Variants in PTBP2 observed in about 807,000 individuals in gnomAD.
PTBP2 encodes the protein polypyrimidine tract-binding protein 2.
A neutral mutation model predicts 61.4 loss-of-function variants in PTBP2; 13 were observed. That is an observed-to-expected ratio of 0.21 (90% confidence interval 0.14 to 0.34). The LOEUF is 0.34. PTBP2 is among the 10% of genes least tolerant of loss of function. The probability of loss-of-function intolerance (pLI) is 1.00; values close to 1 mark genes in which losing one functional copy is unlikely to be tolerated. For synonymous variants in PTBP2, 215 were observed against 218.5 expected, an observed-to-expected ratio of 0.98 and a Z score of 0.14; for missense variants, 405 against 642.6, an observed-to-expected ratio of 0.63 and a Z score of 4.00.
chr1:96,823,192 C>T (rs1662736849), exon 14 of PTBP2: 1 of 152,324 alleles, frequency 6.6e-6, no homozygotes, highest in Non-Finnish European at 1.5e-5. Context: ...AACTCCTGAC[C>T]TCAAGTGATC....
intron 3 of PTBP2, among the ~76,000 whole-genome samples, chr1:96,764,683 GT>G (rs1267523030): frequency 4.6e-5 from 7 of 152,092 alleles, no homozygotes. Context: ...TTGCTATAAT[GT>G]TTTGAAAGTA....
chr1:96,776,500 T>C (rs1430812707), intron 5 of PTBP2, among the ~76,000 whole-genome samples: 1 of 152,000 alleles, frequency 6.6e-6, no homozygotes, highest in Non-Finnish European at 1.5e-5. Context: ...GATCTGTGGT[T>C]ATATAATATT....
At chr1:96,752,555 A>G (rs1407622186) in intron 3 of PTBP2, among the ~76,000 whole-genome samples, 1 of 152,138 alleles carries the variant, frequency 6.6e-6, no homozygotes, top group East Asian at 1.9e-4. Context: ...TTGCTATGTA[A>G]TGATTACAAA....
At chr1:96,768,732 G>A (rs1205129331) in intron 3 of PTBP2, among the ~76,000 whole-genome samples, 2 of 151,778 alleles carry the variant, frequency 1.3e-5, no homozygotes, top group Non-Finnish European at 2.9e-5. Flanking sequence ...TAAATCTCAC[G>A]GTAACAGAAT....
chr1:96,722,442 GGGGGGAGGGCGTGCGGCGGCGGGAGGAA>G (rs1649734438), intron 1 of PTBP2, among the ~76,000 whole-genome samples: 4 of 151,920 alleles, frequency 2.6e-5, no homozygotes, highest in Non-Finnish European at 5.9e-5. Context: ...CGCTGGGGAA[GGGGGGAGGGCGTGCGGCGGCGGGAGGAA>G]GGGGGAGGGC....
intron 8 of PTBP2, among the ~76,000 whole-genome samples, chr1:96,794,132 TAC>T (rs1660131158): frequency 6.6e-6 from 1 of 152,214 alleles, no homozygotes; most frequent in Non-Finnish European, 1.5e-5. Context: ...TGTTAATACT[TAC>T]TTTCCATTAC....
At chr1:96,763,861 A>G (rs958948423) in intron 3 of PTBP2, among the ~76,000 whole-genome samples, 2 of 152,174 alleles carry the variant, frequency 1.3e-5, no homozygotes, top group Admixed American at 6.5e-5. Flanking sequence ...AGAGACACCA[A>G]TTTGAATACT....
intron 3 of PTBP2, among the ~76,000 whole-genome samples, chr1:96,760,011 T>TAAG (rs1655620582): frequency 6.6e-6 from 1 of 152,102 alleles, no homozygotes. Flanking sequence ...ACCATGAGAC[T>TAAG]TACTTCACTG....
At chr1:96,762,281 G>A (rs1477731645) in intron 3 of PTBP2, among the ~76,000 whole-genome samples, 1 of 149,322 alleles carries the variant, frequency 6.7e-6, no homozygotes, top group Non-Finnish European at 1.5e-5. Context: ...GGGCAGAGGG[G>A]CTCCTCACTT....
At chr1:96,806,670 G>A in intron 10 of PTBP2, 196 bp from the exon 11 acceptor site, 1 of 655,844 alleles carries the variant, frequency 1.5e-6, no homozygotes, top group East Asian at 2.8e-5. Context: ...AGCTTTGAGG[G>A]TTTATCAAAA....
chr1:96,811,941 G>A (rs1662128045), intron 11 of PTBP2, among the ~76,000 whole-genome samples: 1 of 152,160 alleles, frequency 6.6e-6, no homozygotes, highest in Admixed American at 6.6e-5. Flanking sequence ...ACTATGTTCT[G>A]GGGTAGAGAC....
chr1:96,796,637 T>A (rs1359780096), intron 8 of PTBP2, among the ~76,000 whole-genome samples: 1 of 152,154 alleles, frequency 6.6e-6, no homozygotes, highest in African/African-American at 2.4e-5. Context: ...CACTCTAGTA[T>A]TTGTCAAGCC....
At chr1:96,774,631 ACTTGTATTG>A (rs886448664) in intron 5 of PTBP2, among the ~76,000 whole-genome samples, 7 of 152,170 alleles carry the variant, frequency 4.6e-5, no homozygotes, top group African/African-American at 1.7e-4. Context: ...CTTTCCTGCT[ACTTGTATTG>A]CTCAAACACA....
chr1:96,813,112 C>T lies in PTBP2; in HGVS notation c.1466+6C>T. The stretch of plus-strand genomic sequence containing the variant: ...AAAGCATTTAAGTTTTTTCAGTAAG[C>T]AAGCTTCCTTATCTTTAAATTAGTG... On this transcript the variant is annotated splice_donor_region_variant and intron_variant, in intron 13 of 13. Transcript: ENST00000674951. 6.2e-7 allele frequency: 1 copy of T among 1,604,470 alleles called. No homozygotes were observed. The highest frequency in any genetic ancestry group is 1.1e-5 in the South Asian group (1 of 89,412).
At chr1:96,727,982 TTAATAA>T (rs969468718) in intron 2 of PTBP2, among the ~76,000 whole-genome samples, 9 of 152,186 alleles carry the variant, frequency 5.9e-5, no homozygotes, top group South Asian at 2.1e-4. Context: ...CTTTTGTTTG[TTAATAA>T]TAATAATAAT....
At chr1:96,818,942 G>A (rs115201719), downstream of PTBP2, 500 of 151,970 alleles carry the variant, frequency 3.3e-3, 3 homozygotes, top group African/African-American at 0.012. Flanking sequence ...GTATAATACT[G>A]ATCAAAAGAA....
At chr1:96,791,826 C>CTTTTTTTTGTTTTTTTTTTGTTTTTT (rs1482989030) in intron 8 of PTBP2, among the ~76,000 whole-genome samples, 11 of 66,126 alleles carry the variant, frequency 1.7e-4, no homozygotes, top group African/African-American at 3.3e-4. Context: ...TGGAGTTGTG[C>CTTTTTTTTGTTTTTTTTTTGTTTTTT]TTTTTTTTTT....
At chr1:96,732,346 C>A (rs1651540480) in intron 2 of PTBP2, among the ~76,000 whole-genome samples, 1 of 152,042 alleles carries the variant, frequency 6.6e-6, no homozygotes. Flanking sequence ...TTAATGCTTT[C>A]TCTAGGGTAT....
chr1:96,743,022 C>T (rs1228494906), intron 2 of PTBP2, among the ~76,000 whole-genome samples: 1 of 151,954 alleles, frequency 6.6e-6, no homozygotes, highest in African/African-American at 2.4e-5. Context: ...CGTGGTGGCT[C>T]ACGCCTGTAA....
Sources: gnomAD v4.1 joint callset for allele counts (sites outside exome capture counted in the v4.1 genomes callset) on GRCh38, gnomAD v4.1.1 for gene constraint, MANE v1.5 for transcripts, NCBI Gene and HGNC (gene_info 2026-07-23, HGNC 2026-07-21) for gene names.